The following ANKFN1 variants were observed in gnomAD, a reference collection of about 807,000 sequenced individuals.
ANKFN1 encodes the protein ankyrin repeat and fibronectin type III domain containing 1, also known as ankyrin repeat and fibronectin type-III domain-containing protein 1.
Under a neutral mutation model 108.7 loss-of-function variants are expected in ANKFN1, and 74 were observed. The ratio of observed to expected loss-of-function variants is 0.68; its 90% CI spans 0.56 to 0.83. The LOEUF is 0.83. Ranked by LOEUF, ANKFN1 falls within the 40% of genes least tolerant of loss-of-function variation. The pLI is 0.00. For missense variants in ANKFN1, 1,505 were observed against 1,382.3 expected, an observed-to-expected ratio of 1.09 and a Z score of -1.41; for synonymous variants, 547 against 516.2, an observed-to-expected ratio of 1.06 and a Z score of -0.81.
chr17:56,098,417 A>AAC (rs139037719), intron 4 of ANKFN1, among the ~76,000 whole-genome samples: 7,778 of 146,486 alleles, frequency 0.053, 202 homozygotes, highest in Middle Eastern at 0.11. Context: ...CATACACACA[A>AAC]ACACACACAC....
intron 3 of ANKFN1, among the ~76,000 whole-genome samples, chr17:56,276,816 C>T (rs1455411925): frequency 6.6e-6 from 1 of 152,124 alleles, no homozygotes; most frequent in Non-Finnish European, 1.5e-5. Context: ...TTTTTAATAA[C>T]TTACCTCTCC....
At chr17:56,180,469 C>A (rs1911587762) in intron 1 of ANKFN1, among the ~76,000 whole-genome samples, 1 of 152,160 alleles carries the variant, frequency 6.6e-6, no homozygotes, top group Non-Finnish European at 1.5e-5. Flanking sequence ...ACATAACATT[C>A]AACTAAGCAG....
chr17:56,217,207 A>G (rs1915487002), intron 2 of ANKFN1, among the ~76,000 whole-genome samples: 1 of 152,144 alleles, frequency 6.6e-6, no homozygotes, highest in Non-Finnish European at 1.5e-5. Flanking sequence ...TCTCTTCTCC[A>G]GAGATCTCAC....
At chr17:56,278,181 G>A (rs183638524) in intron 3 of ANKFN1, among the ~76,000 whole-genome samples, 2 of 152,226 alleles carry the variant, frequency 1.3e-5, no homozygotes, top group East Asian at 3.9e-4. Context: ...ATTGAATGAA[G>A]CCTTAACTCA....
intron 16 of ANKFN1, among the ~76,000 whole-genome samples, chr17:56,479,027 T>C (rs917845522): frequency 8.5e-5 from 13 of 152,328 alleles, no homozygotes; most frequent in Non-Finnish European, 1.5e-4. Flanking sequence ...ATTTTAAGTC[T>C]GCCATCTGGT....
intron 8 of ANKFN1, among the ~76,000 whole-genome samples, chr17:56,424,090 A>G (rs1033711194): frequency 4.6e-5 from 7 of 152,210 alleles, no homozygotes; most frequent in Non-Finnish European, 8.8e-5. Context: ...ATCCTTCTAA[A>G]TATAGATGCT....
intron 4 of ANKFN1, among the ~76,000 whole-genome samples, chr17:56,105,094 T>C (rs1217111600): frequency 6.6e-6 from 1 of 152,100 alleles, no homozygotes; most frequent in Admixed American, 6.6e-5. Flanking sequence ...ATGCAGCAAC[T>C]TTGCCTGGAT....
chr17:56,403,761 G>A (rs948952184), intron 8 of ANKFN1, among the ~76,000 whole-genome samples: 3 of 151,982 alleles, frequency 2.0e-5, no homozygotes, highest in Non-Finnish European at 2.9e-5. Context: ...TATAGTTCCT[G>A]TGTGATTTAT....
intron 1 of ANKFN1, among the ~76,000 whole-genome samples, chr17:56,205,164 A>G (rs1272603810): frequency 1.3e-5 from 2 of 152,228 alleles, no homozygotes; most frequent in African/African-American, 4.8e-5. Flanking sequence ...CCTTGGCTGC[A>G]GAAGGAGGCT....
intron 4 of ANKFN1, among the ~76,000 whole-genome samples, chr17:56,344,244 T>C (rs1422083475): frequency 1.3e-5 from 2 of 152,094 alleles, no homozygotes; most frequent in Non-Finnish European, 2.9e-5. Context: ...TAATGAGTTT[T>C]CAGAATTAAA....
chr17:56,178,737 G>A (rs1276970655), intron 1 of ANKFN1, among the ~76,000 whole-genome samples: 2 of 152,096 alleles, frequency 1.3e-5, no homozygotes, highest in East Asian at 3.9e-4. Flanking sequence ...GAAAGATAAT[G>A]CGTTTCATTT....
At chr17:56,380,094 C>T (rs2047052378) in intron 8 of ANKFN1, among the ~76,000 whole-genome samples, 1 of 152,188 alleles carries the variant, frequency 6.6e-6, no homozygotes, top group Middle Eastern at 3.2e-3. Flanking sequence ...GAATCTCATC[C>T]ATGAGCTGTC....
At position 56,510,722 on chromosome 17, in the gene ANKFN1, C is replaced by G; in HGVS notation, c.2894C>G (p.Ser965Ter). ...PQGEGPNPDH[S>*]CAEFLHSLTL... is the part of the protein sequence containing the mutation. The stretch of plus-strand genomic sequence containing the variant: ...GGCGAGGGCCCAAATCCCGATCACT[C>G]ATGTGCCGAGTTTCTCCATAGCCTG... The change falls in exon 21 of 21, where the codon TCA becomes TGA. Residue 965 changes from serine (S) to a stop codon, truncating the protein, a stop_gained. Coordinates refer to ENST00000682825, the MANE Select transcript of ANKFN1 (RefSeq NM_001370326.1). LOFTEE classifies it low-confidence loss of function (END_TRUNC). The G allele has an allele frequency of 6.5e-7, 1 of 1,536,146 alleles. No individual in the cohort carries two copies. Among genetic ancestry groups the G allele is most frequent in the Non-Finnish European group, 8.7e-7 (1 of 1,146,902 alleles).
intron 3 of ANKFN1, among the ~76,000 whole-genome samples, chr17:56,292,189 TGA>T (rs1299832548): frequency 6.6e-6 from 1 of 152,230 alleles, no homozygotes; most frequent in Non-Finnish European, 1.5e-5. Context: ...AGGCAGAGGC[TGA>T]GTCAGATTTT....
chr17:56,262,871 C>T (rs1004040205), intron 3 of ANKFN1, among the ~76,000 whole-genome samples: 2 of 152,212 alleles, frequency 1.3e-5, no homozygotes, highest in African/African-American at 2.4e-5. Context: ...GTAACAACTA[C>T]GGAAGAAAGA....
Position 56,144,683 on chromosome 17 carries a change from G to T in ANKFN1, c.289-83234G>T, listed in dbSNP as rs755641151. Among the ~76,000 whole-genome samples the T allele has an allele frequency of 5.5e-4, 84 of 152,222 alleles. 1 individual carries two copies. Among genetic ancestry groups the T allele is most frequent in the Non-Finnish European group, 1.1e-3 (74 of 67,998 alleles). ...AATTATTTACTTAGGGACCACCTAGGCCAGGTCTGAAAATTCAGCCCAGGT... is the reference window on the plus strand; with the variant it reads ...AATTATTTACTTAGGGACCACCTAGTCCAGGTCTGAAAATTCAGCCCAGGT... On this transcript the variant is annotated intron_variant, in intron 4 of 12. Coordinates refer to the ANKFN1 transcript ENST00000635860.
intron 4 of ANKFN1, among the ~76,000 whole-genome samples, chr17:56,050,040 C>T (rs1020185918): frequency 6.6e-5 from 10 of 151,862 alleles, no homozygotes; most frequent in African/African-American, 2.4e-4. Flanking sequence ...TCTTCACATC[C>T]TCTCCAGCAC....
At chr17:56,399,936 T>C (rs1034512749) in intron 8 of ANKFN1, among the ~76,000 whole-genome samples, 13 of 146,678 alleles carry the variant, frequency 8.9e-5, no homozygotes, top group African/African-American at 3.3e-4. Flanking sequence ...GTGATATATA[T>C]ACAGTGATAT....
chr17:56,145,938 A>C (rs1388388332), intron 4 of ANKFN1, among the ~76,000 whole-genome samples: 1 of 152,222 alleles, frequency 6.6e-6, no homozygotes, highest in Non-Finnish European at 1.5e-5. Context: ...ATCTGAGACA[A>C]GACAAGTTCC....
Sources: gnomAD v4.1 joint callset for allele counts (sites outside exome capture counted in the v4.1 genomes callset) on GRCh38, gnomAD v4.1.1 for gene constraint, MANE v1.5 for transcripts, NCBI Gene and HGNC (gene_info 2026-07-23, HGNC 2026-07-21) for gene names.